Variants in NECAP2 observed in about 807,000 individuals in gnomAD.
The protein encoded by NECAP2 is adaptin ear-binding coat-associated protein 2.
Under a neutral mutation model 37.8 loss-of-function variants are expected in NECAP2, and 38 were observed. That is an observed-to-expected ratio of 1.01 (90% CI 0.78 to 1.32). The LOEUF (loss-of-function observed/expected upper bound fraction) is 1.32, where lower values mean the gene tolerates loss of function less well. NECAP2 is among the 40% of genes most tolerant of loss of function. The pLI is 0.00. For missense variants in NECAP2, 316 were observed against 334.5 expected, an observed-to-expected ratio of 0.94 and a Z score of 0.43; for synonymous variants, 121 against 127.7, an observed-to-expected ratio of 0.95 and a Z score of 0.35.
Position 16,449,196 on chromosome 1 carries a change from A to T in NECAP2, c.484A>T (p.Ile162Phe). 6.2e-7 allele frequency: 1 copy of T among 1,608,682 alleles called. No homozygotes were observed. The highest frequency in any genetic ancestry group is 1.7e-5 in the Admixed American group (1 of 59,402). The change falls in exon 5 of 8, where the codon ATC (isoleucine) becomes TTC (phenylalanine). Residue 162 changes from isoleucine to phenylalanine, a missense_variant. Ile to Phe is a conservative substitution (Grantham distance 21). This residue lies in a region of NECAP2 where 204 missense variants were observed against 188.6 expected (regional missense o/e 1.08). Coordinates refer to ENST00000337132, the MANE Select transcript of NECAP2 (RefSeq NM_018090.5). ...FKEGQTIKLN[I>F]ANMKKKEGAA... ...GGAGGGCCAGACCATCAAGCTCAAC[A>T]TCGCAGTGAGTTCTACCCTTGCTTG...
chr1:16,440,876 G>GGC, intron 1 of NECAP2, 23 bp downstream of exon 1: 1 of 1,598,328 alleles, frequency 6.3e-7, no homozygotes, highest in Non-Finnish European at 8.6e-7. Context: ...CGCCAGACCA[G>GGC]GCTAGCTCCA....
At chr1:16,457,902 G>C (rs2086950098) in intron 7 of NECAP2, among the ~76,000 whole-genome samples, 1 of 151,698 alleles carries the variant, frequency 6.6e-6, no homozygotes, top group Non-Finnish European at 1.5e-5. Flanking sequence ...GTAGAGGCGG[G>C]GTTTTGCTAT....
At chr1:16,452,098 C>G (rs575055288) in intron 6 of NECAP2, 83 bp downstream of exon 6, 179 of 1,364,218 alleles carry the variant, frequency 1.3e-4, no homozygotes, top group Non-Finnish European at 1.6e-4. Context: ...GTTTCCCCCC[C>G]GTTACACACA....
rs887282175 is a variant in NECAP2 at position 16,456,983 on chromosome 1, C to T, written c.743+1090C>T. On this transcript the variant is annotated intron_variant, in intron 7 of 7. Transcript: ENST00000337132. Reference sequence around the variant, plus strand: ...TCCCAGAGTGCTGGGATTATAGGCACGAGCCAGTGTGCCCAGCCACATTTT... The same window carrying T: ...TCCCAGAGTGCTGGGATTATAGGCATGAGCCAGTGTGCCCAGCCACATTTT... Among the ~76,000 whole-genome samples, 305 of 151,808 alleles carry T rather than the reference C, an allele frequency of 2.0e-3. 2 individuals carry two copies. Among genetic ancestry groups the T allele is most frequent in the African/African-American group, 7.0e-3 (291 of 41,466 alleles).
chr1:16,447,417 C>T (rs2086780228), intron 2 of NECAP2, among the ~76,000 whole-genome samples: 1 of 152,128 alleles, frequency 6.6e-6, no homozygotes, highest in African/African-American at 2.4e-5. Context: ...CCTCGGGGCT[C>T]ACTGGCCCCT....
At position 16,453,936 on chromosome 1, in the gene NECAP2, A is replaced by G. The variant is rs142367258; in HGVS notation, c.668-1882A>G. ...TCTGAGACAGGCAGTTAGCATGTCA[A>G]CAAACAAAATGGTGTCAGATAATAA... On this transcript the variant is annotated intron_variant, in intron 6 of 7. Transcript: ENST00000337132. 2.6e-4 allele frequency among the ~76,000 whole-genome samples: 39 copies of G among 152,362 alleles called. No homozygotes were observed. In the East Asian group the frequency reaches 7.3e-3, roughly 29 times the overall value.
At chr1:16,440,982 T>G (rs747019418) in intron 1 of NECAP2, 129 bp downstream of exon 1, 47 of 718,810 alleles carry the variant, frequency 6.5e-5, no homozygotes, top group Middle Eastern at 2.6e-4. Context: ...TGCTGCTGCT[T>G]CTTCCAGTTC....
chr1:16,442,840 T>A (rs1257577767), intron 1 of NECAP2, among the ~76,000 whole-genome samples: 1 of 152,180 alleles, frequency 6.6e-6, no homozygotes, highest in Non-Finnish European at 1.5e-5. Flanking sequence ...GAGGATCTCT[T>A]GAGCTCAGGA....
chr1:16,448,287 C>T (rs139015072), intron 4 of NECAP2, 146 bp downstream of exon 4: 1 of 764,264 alleles, frequency 1.3e-6, no homozygotes, highest in African/African-American at 1.7e-5. Context: ...CACCTCTCTT[C>T]TCTGCCAATG....
At chr1:16,450,288 GTT>G (rs544037982) in intron 5 of NECAP2, 92 of 297,568 alleles carry the variant, frequency 3.1e-4, no homozygotes, top group South Asian at 7.5e-4. Context: ...TTGTTTTGTT[GTT>G]TTTTTTTTTT....
chr1:16,447,784 G>T, intron 2 of NECAP2, 86 bp from the exon 3 acceptor site: 1 of 1,048,256 alleles, frequency 9.5e-7, no homozygotes. Context: ...GAGATGCCTT[G>T]CGGGCAAAAG....
chr1:16,451,797 C>G (rs1026766801), intron 5 of NECAP2, 41 bp from the exon 6 acceptor site: 2 of 1,612,086 alleles, frequency 1.2e-6, no homozygotes. Context: ...CATTGGGACT[C>G]CAGCAGAACG....
At chr1:16,444,351 T>C (rs1456421851) in intron 2 of NECAP2, among the ~76,000 whole-genome samples, 2 of 152,152 alleles carry the variant, frequency 1.3e-5, no homozygotes, top group African/African-American at 2.4e-5. Flanking sequence ...TCGGACACAG[T>C]GTCTGCTCAG....
intron 1 of NECAP2, among the ~76,000 whole-genome samples, chr1:16,443,324 A>G (rs572641388): frequency 6.6e-6 from 1 of 152,370 alleles, no homozygotes; most frequent in East Asian, 1.9e-4. Context: ...CATACTGGGA[A>G]CATTACATGA....
In NECAP2 at chr1:16,447,950, G is replaced by A. The variant is rs778687400; in HGVS notation, c.274G>A (p.Val92Met). The A allele has an allele frequency of 3.7e-6, 6 of 1,614,078 alleles. No individual in the cohort carries two copies. The East Asian group carries it at 8.9e-5, about 24-fold the overall frequency. ...ESVTDSSRYF[V>M]IRIEDGNGRR... ...TGTGACGGATTCCAGCAGGTACTTC[G>A]TGATCCGCATCGAAGATGGAAATGG... is the stretch of plus-strand genomic sequence containing the variant. The change falls in exon 3 of 8, where the codon GTG becomes ATG. Residue 92 changes from valine to methionine, a missense_variant. By Grantham distance (21) the Val-to-Met change is conservative. Coordinates refer to ENST00000337132, the MANE Select transcript of NECAP2 (RefSeq NM_018090.5).
chr1:16,458,840 A>C lies in NECAP2; in HGVS notation c.744-2A>C. ...CCACCCTTCCCTGTCTTCTCTTTAC[A>C]GATCAACTTCCAGCCAGACCCAGCC... On this transcript the variant is annotated splice_acceptor_variant, in intron 7 of 7. Transcript: ENST00000337132. LOFTEE classifies it high-confidence loss of function. 6.2e-7 allele frequency: 1 copy of C among 1,613,434 alleles called. No individual in the cohort carries two copies. The highest frequency in any genetic ancestry group is 8.5e-7 in the Non-Finnish European group (1 of 1,179,836).
intron 5 of NECAP2, chr1:16,450,079 C>T (rs926784446): frequency 7.4e-6 from 3 of 406,240 alleles, no homozygotes; most frequent in Non-Finnish European, 1.5e-5. Context: ...CTTACTCTTT[C>T]TCCTCTTTTC....
chr1:16,455,067 G>A (rs772608680), intron 6 of NECAP2, among the ~76,000 whole-genome samples: 6 of 152,230 alleles, frequency 3.9e-5, no homozygotes, highest in Non-Finnish European at 8.8e-5. Context: ...TTGGTGAACT[G>A]TAAAACTCTA....
intron 5 of NECAP2, chr1:16,449,783 T>G (rs1182507839): frequency 5.5e-6 from 1 of 181,384 alleles, no homozygotes; most frequent in Non-Finnish European, 1.2e-5. Context: ...GCTGATGGTG[T>G]TGTCCTGGCT....
Sources: allele counts gnomAD v4.1 joint callset (sites outside exome capture counted in the v4.1 genomes callset), GRCh38; gene constraint gnomAD v4.1.1; regional missense constraint gnomAD v4.1.1; transcripts MANE v1.5; gene names NCBI Gene and HGNC (gene_info 2026-07-23, HGNC 2026-07-21).